The following TMEM245 variants were observed in gnomAD, a reference collection of about 807,000 sequenced individuals.
TMEM245 encodes transmembrane protein 245.
A neutral mutation model predicts 101.2 loss-of-function variants in TMEM245; 69 were observed. That is an observed-to-expected ratio of 0.68 (90% CI 0.56 to 0.83). The LOEUF (loss-of-function observed/expected upper bound fraction) is 0.83, where lower values mean the gene tolerates loss of function less well. Among genes scored for constraint, TMEM245 ranks in the 40% least tolerant of loss-of-function variants. The pLI, the probability that TMEM245 is intolerant of heterozygous loss-of-function variation, is 0.00. For missense variants in TMEM245, 1,075 were observed against 1,092.8 expected (o/e 0.98, Z 0.23); for synonymous variants, 537 against 449.8 (o/e 1.19, Z -2.45).
chr9:109,046,416 T>C, intron 14 of TMEM245: 1 of 384,714 alleles, frequency 2.6e-6, no homozygotes, highest in Non-Finnish European at 5.6e-6. Flanking sequence ...TGCCACTGAC[T>C]CAAAACTTCA....
At chr9:109,063,926 T>C (rs1193299696) in intron 10 of TMEM245, among the ~76,000 whole-genome samples, 2 of 152,204 alleles carry the variant, frequency 1.3e-5, no homozygotes, top group African/African-American at 4.8e-5. Flanking sequence ...ACTGCGAGCA[T>C]GCTACAGTAG....
chr9:109,061,253 C>G (rs1424164458), intron 10 of TMEM245, among the ~76,000 whole-genome samples: 1 of 152,034 alleles, frequency 6.6e-6, no homozygotes, highest in African/African-American at 2.4e-5. Flanking sequence ...GAGGTTGAGG[C>G]TGCAGTGAGC....
chr9:109,118,336 ACGT>A (rs1447271446), intron 1 of TMEM245, among the ~76,000 whole-genome samples: 1 of 152,228 alleles, frequency 6.6e-6, no homozygotes, highest in Non-Finnish European at 1.5e-5. Flanking sequence ...CAACTTAATG[ACGT>A]CAAGGTACAC....
intron 14 of TMEM245, among the ~76,000 whole-genome samples, chr9:109,041,452 A>ATTTTTTT (rs1475469527): frequency 7.7e-6 from 1 of 129,568 alleles, no homozygotes; most frequent in African/African-American, 3.2e-5. Context: ...CCATCCTACA[A>ATTTTTTT]ATTTTTTTTT....
At chr9:109,109,026 T>C (rs1469671949) in intron 1 of TMEM245, among the ~76,000 whole-genome samples, 2 of 152,148 alleles carry the variant, frequency 1.3e-5, no homozygotes, top group Non-Finnish European at 2.9e-5. Flanking sequence ...GCTTATAAAA[T>C]ATGCTTGTTA....
At chr9:109,114,548 T>C (rs892251791) in intron 1 of TMEM245, among the ~76,000 whole-genome samples, 2 of 152,340 alleles carry the variant, frequency 1.3e-5, no homozygotes, top group East Asian at 3.9e-4. Flanking sequence ...GAGCCAAGTT[T>C]AGAACTTCAG....
chr9:109,057,353 T>A lies in TMEM245; in HGVS notation c.1723-31A>T, dbSNP rs763552202. Reference sequence around the variant, plus strand: ...GAATAAAACAGTGCAGACATGAAATTCCCATCTTAATCTAAAGAACAGAAA... The same window carrying A: ...GAATAAAACAGTGCAGACATGAAATACCCATCTTAATCTAAAGAACAGAAA... On this transcript the variant is annotated intron_variant, in intron 11 of 17. Transcript: ENST00000374586. The A allele has an allele frequency of 1.1e-5, 17 of 1,597,174 alleles. No individual in the cohort carries two copies. The African/African-American group carries it at 2.1e-4, about 20-fold the overall frequency.
Position 109,091,024 on chromosome 9 carries a change from T to C in TMEM245, c.1048A>G (p.Lys350Glu). The change falls in exon 5 of 18, where the codon AAA becomes GAA. Residue 350 changes from lysine (K) to glutamate (E), a missense_variant. Lys to Glu is a moderately conservative substitution (Grantham distance 56). This residue lies in a region of TMEM245 where 808 missense variants were observed against 741.5 expected (regional missense o/e 1.09). Transcript: ENST00000374586. ...GACACAAAGTAGATGTCACTAGTTTTCTTCTTTCTAAGAAACGTTCCTATT... is the reference window on the plus strand; with the variant it reads ...GACACAAAGTAGATGTCACTAGTTTCCTTCTTTCTAAGAAACGTTCCTATT... ...PEIGTFLRKK[K>E]TSDIYFVSLV... The C allele has an allele frequency of 1.2e-6, 2 of 1,614,196 alleles. No individual in the cohort carries two copies. Among genetic ancestry groups the C allele is most frequent in the Non-Finnish European group, 1.7e-6 (2 of 1,180,028 alleles).
At chr9:109,060,981 C>T (rs1588043226) in intron 10 of TMEM245, among the ~76,000 whole-genome samples, 1 of 152,072 alleles carries the variant, frequency 6.6e-6, no homozygotes, top group African/African-American at 2.4e-5. Context: ...ACTGAGACAA[C>T]GTAACTTAGA....
At chr9:109,037,414 G>GT (rs893352766) in intron 15 of TMEM245, among the ~76,000 whole-genome samples, 2 of 152,184 alleles carry the variant, frequency 1.3e-5, no homozygotes, top group South Asian at 4.1e-4. Flanking sequence ...TTGGATCTGT[G>GT]TCCCCACCAA....
chr9:109,059,982 C>T (rs189077268), intron 11 of TMEM245, among the ~76,000 whole-genome samples: 1 of 151,934 alleles, frequency 6.6e-6, no homozygotes, highest in East Asian at 1.9e-4. Context: ...GTATTTGGGG[C>T]ATATTGGGTT....
intron 16 of TMEM245, 63 bp downstream of exon 16, chr9:109,036,143 T>TA (rs34730476): frequency 0.22 from 260,186 of 1,167,196 alleles, 2,640 homozygotes; most frequent in Non-Finnish European, 0.24. Flanking sequence ...AATCCTCCTT[T>TA]AAAAAAAAAA....
chr9:109,080,669 G>A (rs1220309303), intron 8 of TMEM245, among the ~76,000 whole-genome samples, 170 bp downstream of exon 8: 1 of 151,922 alleles, frequency 6.6e-6, no homozygotes, highest in Non-Finnish European at 1.5e-5. Flanking sequence ...AAATATACTA[G>A]GCAAATTCAT....
chr9:109,082,134 T>C (rs1829683924), intron 7 of TMEM245, among the ~76,000 whole-genome samples: 1 of 152,200 alleles, frequency 6.6e-6, no homozygotes, highest in Non-Finnish European at 1.5e-5. Context: ...ACAACATGAG[T>C]TCTGCAGCAT....
rs558149564 is a variant in TMEM245 at position 109,056,478 on chromosome 9, T to G, written c.1854+713A>C. On this transcript the variant is annotated intron_variant, in intron 12 of 17. Transcript: ENST00000374586. Reference sequence around the variant, plus strand: ...AAAAAAAAAAAAAATTAGCTGGGTGTGGTGGGGCATGCCCGTAATCCCAGC... The same window carrying G: ...AAAAAAAAAAAAAATTAGCTGGGTGGGGTGGGGCATGCCCGTAATCCCAGC... Among the ~76,000 whole-genome samples the G allele has an allele frequency of 1.4e-4, 19 of 134,496 alleles. No individual in the cohort carries two copies. In the South Asian group the frequency reaches 3.3e-3, roughly 24 times the overall value. The allele number at this position is 134,496 out of a possible 152,430, so 88.2% of individuals were successfully genotyped here.
intron 16 of TMEM245, among the ~76,000 whole-genome samples, chr9:109,035,078 A>T (rs1022890572): frequency 6.8e-6 from 1 of 146,908 alleles, no homozygotes; most frequent in Non-Finnish European, 1.5e-5. Flanking sequence ...AATGGCTTGA[A>T]CCTGGGAGGC....
chr9:109,093,636 T>C (rs1362643135), intron 3 of TMEM245, 45 bp from the exon 4 acceptor site: 3 of 1,484,670 alleles, frequency 2.0e-6, no homozygotes, highest in East Asian at 2.3e-5. Context: ...AAGTAGGAAA[T>C]AATGGCTGCA....
chr9:109,102,678 A>G (rs1830308991), intron 3 of TMEM245, among the ~76,000 whole-genome samples: 1 of 152,250 alleles, frequency 6.6e-6, no homozygotes. Flanking sequence ...TATAATCTGT[A>G]GACAGTGAGA....
At chr9:109,079,706 T>C (rs542678300) in intron 8 of TMEM245, among the ~76,000 whole-genome samples, 2 of 151,086 alleles carry the variant, frequency 1.3e-5, no homozygotes, top group South Asian at 2.1e-4. Context: ...AAAACTGAGA[T>C]GGCCAGGCAA....
Sources: gnomAD v4.1 joint callset for allele counts (sites outside exome capture counted in the v4.1 genomes callset) on GRCh38, gnomAD v4.1.1 for gene constraint, gnomAD v4.1.1 regional missense constraint, MANE v1.5 for transcripts, NCBI Gene and HGNC (gene_info 2026-07-23, HGNC 2026-07-21) for gene names.